Variants in PDGFRL observed in about 807,000 individuals in gnomAD.
The protein encoded by PDGFRL is platelet-derived growth factor receptor-like protein.
In PDGFRL, 46 loss-of-function variants were observed where a neutral mutation model predicts 37.2. That is an observed-to-expected ratio of 1.24 (90% CI 0.98 to 1.58). The LOEUF (loss-of-function observed/expected upper bound fraction) is 1.58. Ranked by LOEUF, PDGFRL falls within the 40% of genes most tolerant of loss-of-function variation. PDGFRL has a pLI of 0.00. For missense variants in PDGFRL, 692 were observed against 467.6 expected, an observed-to-expected ratio of 1.48 and a Z score of -4.43; for synonymous variants, 251 against 184.3, an observed-to-expected ratio of 1.36 and a Z score of -2.93.
intron 4 of PDGFRL, among the ~76,000 whole-genome samples, chr8:17,629,085 C>CTT (rs397892660): frequency 6.0e-4 from 74 of 122,902 alleles, no homozygotes; most frequent in African/African-American, 1.3e-3. Context: ...GCCCTGCTAA[C>CTT]TTTTTTTTTT....
chr8:17,599,913 G>C (rs1563512598), intron 2 of PDGFRL, among the ~76,000 whole-genome samples: 2 of 151,998 alleles, frequency 1.3e-5, no homozygotes, highest in Admixed American at 6.5e-5. Context: ...ACTTTCCCAG[G>C]AACTTCAATA....
chr8:17,620,647 A>C (rs1277899360), intron 2 of PDGFRL, among the ~76,000 whole-genome samples: 1 of 152,170 alleles, frequency 6.6e-6, no homozygotes, highest in African/African-American at 2.4e-5. Context: ...TAACATTTCT[A>C]TGTATTTGAT....
intron 4 of PDGFRL, among the ~76,000 whole-genome samples, chr8:17,630,504 C>G (rs776163082): frequency 1.3e-5 from 2 of 152,188 alleles, no homozygotes; most frequent in Non-Finnish European, 2.9e-5. Flanking sequence ...ATTCTGGTTT[C>G]TAAGACTGTT....
upstream of PDGFRL, chr8:17,576,843 A>T: frequency 3.3e-6 from 1 of 302,314 alleles, no homozygotes. Flanking sequence ...GTTCTGCCTG[A>T]GGAGGTGGGG....
chr8:17,606,684 C>G (rs1585314254), intron 2 of PDGFRL, among the ~76,000 whole-genome samples: 1 of 114,712 alleles, frequency 8.7e-6, no homozygotes, highest in African/African-American at 3.0e-5. Context: ...AAAAACACAG[C>G]TATGTTCCGT....
chr8:17,632,243 T>C (rs895585475), intron 4 of PDGFRL, among the ~76,000 whole-genome samples: 1 of 152,210 alleles, frequency 6.6e-6, no homozygotes, highest in Non-Finnish European at 1.5e-5. Flanking sequence ...AAAAAAGGGA[T>C]CAAGCTAGCA....
Position 17,608,950 on chromosome 8 carries a change from A to G in PDGFRL, c.354-12101A>G, listed in dbSNP as rs576344998. Among the ~76,000 whole-genome samples, 180 of 152,312 alleles carry G rather than the reference A, an allele frequency of 1.2e-3. 1 individual carries two copies. The highest frequency in any genetic ancestry group is 4.1e-3 in the African/African-American group (170 of 41,568). ...GAGCCAAGGAGGGGCCAGGCAAGGC[A>G]GCTCATGCCTGTAATCCCAGCACTT... On this transcript the variant is annotated intron_variant, in intron 2 of 5. Coordinates refer to ENST00000251630, the MANE Select transcript of PDGFRL (RefSeq NM_001372073.1).
At chr8:17,610,951 A>C (rs1429230551) in intron 2 of PDGFRL, among the ~76,000 whole-genome samples, 2 of 152,368 alleles carry the variant, frequency 1.3e-5, no homozygotes, top group Non-Finnish European at 2.9e-5. Flanking sequence ...TGTTATTTCC[A>C]TGCATTTCTC....
intron 3 of PDGFRL, among the ~76,000 whole-genome samples, chr8:17,625,726 T>G (rs571097025): frequency 6.6e-6 from 1 of 152,210 alleles, no homozygotes; most frequent in Non-Finnish European, 1.5e-5. Context: ...CATTGGCTCA[T>G]GCCTGTAATC....
intron 1 of PDGFRL, among the ~76,000 whole-genome samples, chr8:17,581,160 AG>A (rs1490275147): frequency 1.3e-5 from 2 of 152,060 alleles, no homozygotes; most frequent in East Asian, 3.9e-4. Flanking sequence ...AGACATGGAG[AG>A]GACTGAGGCG....
intron 1 of PDGFRL, among the ~76,000 whole-genome samples, chr8:17,582,500 T>C (rs1416097398): frequency 1.3e-5 from 2 of 150,612 alleles, no homozygotes; most frequent in African/African-American, 4.9e-5. Context: ...GGGAGTCGCT[T>C]GAACTCGGGA....
rs180974047 is a variant in PDGFRL at position 17,601,121 on chromosome 8, C to T, written c.353+11356C>T. ...CCGGGAATCACTTGAAAACCACTTT[C>T]GTTATTCACTCCCGCATCCAACCAA... On this transcript the variant is annotated intron_variant, in intron 2 of 5. Coordinates refer to ENST00000251630, the MANE Select transcript of PDGFRL (RefSeq NM_001372073.1). Among the ~76,000 whole-genome samples the T allele has an allele frequency of 1.1e-4, 16 of 152,352 alleles. No individual in the cohort carries two copies. The East Asian group carries it at 1.2e-3, about 11-fold the overall frequency.
intron 2 of PDGFRL, among the ~76,000 whole-genome samples, chr8:17,610,477 C>G (rs796663596): frequency 3.9e-5 from 6 of 152,204 alleles, no homozygotes; most frequent in African/African-American, 1.4e-4. Flanking sequence ...TGCAGATACT[C>G]CAAAATCTGA....
chr8:17,634,227 C>T lies in PDGFRL; in HGVS notation c.939+14C>T. ...CCAGGGCAGAAGGTAAGTGTTGTAC[C>T]TGCATCTCAGCCCCTGCGTCTCAGC... On this transcript the variant is annotated intron_variant, in intron 5 of 5. Coordinates refer to ENST00000251630, the MANE Select transcript of PDGFRL (RefSeq NM_001372073.1). 6.3e-7 allele frequency: 1 copy of T among 1,593,898 alleles called. No individual in the cohort carries two copies. Among genetic ancestry groups the T allele is most frequent in the Non-Finnish European group, 8.6e-7 (1 of 1,167,264 alleles).
In PDGFRL at chr8:17,618,354, C is replaced by T. The variant is rs150702657; in HGVS notation, c.354-2697C>T. On this transcript the variant is annotated intron_variant, in intron 2 of 5. Transcript: ENST00000251630. ...TATAGGCATGAACCACCGCACCTGG[C>T]CTGGGTCGACCATTTTTTATTTGCT... Among the ~76,000 whole-genome samples the T allele has an allele frequency of 6.1e-3, 926 of 152,322 alleles. 4 individuals carry two copies. Among genetic ancestry groups the T allele is most frequent in the Middle Eastern group, 0.01 (3 of 294 alleles).
At chr8:17,629,914 C>T (rs1415611094) in intron 4 of PDGFRL, among the ~76,000 whole-genome samples, 1 of 152,144 alleles carries the variant, frequency 6.6e-6, no homozygotes, top group Non-Finnish European at 1.5e-5. Flanking sequence ...CCCTCCCCAC[C>T]CATGAGGCTT....
intron 4 of PDGFRL, among the ~76,000 whole-genome samples, chr8:17,630,302 T>C (rs911217974): frequency 1.3e-5 from 2 of 152,226 alleles, no homozygotes; most frequent in African/African-American, 4.8e-5. Flanking sequence ...TTGGAACTAC[T>C]TCTTTCAATG....
chr8:17,618,307 C>T (rs559820102), intron 2 of PDGFRL, among the ~76,000 whole-genome samples: 3 of 152,188 alleles, frequency 2.0e-5, no homozygotes, highest in African/African-American at 7.2e-5. Context: ...CCTCCTGCCT[C>T]AGCCTCCCAA....
chr8:17,636,237 A>G (rs934446189), intron 5 of PDGFRL, among the ~76,000 whole-genome samples: 1 of 152,210 alleles, frequency 6.6e-6, no homozygotes, highest in African/African-American at 2.4e-5. Flanking sequence ...TAGAATTTTT[A>G]TGGTTTCAGG....
Sources: allele counts gnomAD v4.1 joint callset (sites outside exome capture counted in the v4.1 genomes callset), GRCh38; gene constraint gnomAD v4.1.1; transcripts MANE v1.5; gene names NCBI Gene and HGNC (gene_info 2026-07-23, HGNC 2026-07-21).